ADGRG6: variants seen among roughly 807,000 people sequenced by gnomAD.
ADGRG6 encodes G-protein coupled receptor 126.
Under a neutral mutation model 142.4 loss-of-function variants are expected in ADGRG6, and 84 were observed. That is an observed-to-expected ratio of 0.59 (90% CI 0.49 to 0.71). The LOEUF (loss-of-function observed/expected upper bound fraction) is 0.71, where lower values mean the gene tolerates loss of function less well. ADGRG6 is among the 30% of genes least tolerant of loss of function. The pLI is 0.00. For synonymous variants in ADGRG6, 521 were observed against 520.5 expected (o/e 1.00, Z -0.01); for missense variants, 1,367 against 1,466.6 (o/e 0.93, Z 1.11).
At chr6:142,305,902 C>T (rs72554853) in intron 1 of ADGRG6, among the ~76,000 whole-genome samples, 12 of 122,908 alleles carry the variant, frequency 9.8e-5, no homozygotes, top group African/African-American at 3.6e-4. Flanking sequence ...AATAGAATAG[C>T]ACTTTTTTTT....
chr6:142,401,916 T>A (rs1775546338), intron 11 of ADGRG6, 78 bp from the exon 12 acceptor site: 8 of 669,828 alleles, frequency 1.2e-5, no homozygotes, highest in Non-Finnish European at 1.6e-5. Context: ...AATGTATATA[T>A]CATGTAAAAA....
intron 2 of ADGRG6, among the ~76,000 whole-genome samples, chr6:142,361,960 G>C (rs1382543724): frequency 6.6e-6 from 1 of 152,178 alleles, no homozygotes; most frequent in Non-Finnish European, 1.5e-5. Context: ...ATAACAGGCT[G>C]ACTCTGGAAT....
intron 2 of ADGRG6, among the ~76,000 whole-genome samples, chr6:142,361,464 A>G (rs1052704877): frequency 1.3e-5 from 2 of 152,106 alleles, no homozygotes; most frequent in African/African-American, 4.8e-5. Context: ...GTGCTTGGAG[A>G]GGGCTGAGAG....
At chr6:142,351,032 G>A (rs909701673) in intron 2 of ADGRG6, among the ~76,000 whole-genome samples, 2 of 152,036 alleles carry the variant, frequency 1.3e-5, no homozygotes, top group Non-Finnish European at 2.9e-5. Flanking sequence ...TCAGGAGATT[G>A]AGACCATCCT....
chr6:142,443,368 A>G lies in ADGRG6; in HGVS notation c.3606A>G (p.Lys1202=), dbSNP rs754811944. ...CTTCCATGGACAAGTCCTTGTCAAA[A>G]CTGGCCCATGCTGATGGAGATCAAA... ...DSASMDKSLS[K]LAHADGDQTS... is the part of the protein sequence containing the mutation. The change falls in exon 25 of 25, where the codon AAA becomes AAG. Residue 1202 remains lysine, a synonymous_variant. Transcript: ENST00000367609. 1.2e-6 allele frequency: 2 copies of G among 1,612,474 alleles called. No individual in the cohort carries two copies. Among genetic ancestry groups the G allele is most frequent in the Admixed American group, 3.3e-5 (2 of 59,868 alleles).
intron 1 of ADGRG6, among the ~76,000 whole-genome samples, chr6:142,307,205 A>T (rs911879685): frequency 6.6e-6 from 1 of 152,160 alleles, no homozygotes; most frequent in East Asian, 1.9e-4. Context: ...TCACACATTG[A>T]TGAAAGATAA....
intron 2 of ADGRG6, among the ~76,000 whole-genome samples, chr6:142,347,055 A>G (rs1030191130): frequency 6.6e-6 from 1 of 152,224 alleles, no homozygotes; most frequent in African/African-American, 2.4e-5. Flanking sequence ...TCAAGTAAAA[A>G]AAAGATTCAT....
At chr6:142,442,893 T>C (rs937780728) in intron 24 of ADGRG6, among the ~76,000 whole-genome samples, 2 of 152,098 alleles carry the variant, frequency 1.3e-5, no homozygotes, top group Non-Finnish European at 2.9e-5. Context: ...TAACCATCAA[T>C]TTATAGCCAG....
intron 2 of ADGRG6, among the ~76,000 whole-genome samples, chr6:142,329,916 A>G (rs551299980): frequency 3.5e-4 from 54 of 152,278 alleles, no homozygotes; most frequent in Non-Finnish European, 5.6e-4. Context: ...TAAAGGTGAG[A>G]TACGTGAGCA....
chr6:142,432,261 A>G (rs1777250894), intron 22 of ADGRG6, among the ~76,000 whole-genome samples: 1 of 152,138 alleles, frequency 6.6e-6, no homozygotes, highest in South Asian at 2.1e-4. Flanking sequence ...GAACTGTGAA[A>G]GGGCTATTTT....
chr6:142,310,537 T>A (rs1366592490), intron 2 of ADGRG6, among the ~76,000 whole-genome samples: 1 of 151,704 alleles, frequency 6.6e-6, no homozygotes, highest in Non-Finnish European at 1.5e-5. Context: ...TAATATATAT[T>A]ATCATAAAGA....
rs531285206 is a variant in ADGRG6, at chr6:142,304,424, C to CACACAA, written c.2+2093_2+2094insACACAA. ...TTAATTCGTCTCAAGCTGCATGAAG[C>CACACAA]TACTGTTCCATTTATGGCTTATATA... On this transcript the variant is annotated intron_variant, in intron 1 of 24. Transcript: ENST00000367609. Among the ~76,000 whole-genome samples the CACACAA allele has an allele frequency of 6.5e-4, 99 of 152,266 alleles. 1 individual carries two copies. In the East Asian group the frequency reaches 0.013, roughly 20 times the overall value.
rs1047527031 is a variant in ADGRG6 at position 142,443,647 on chromosome 6, G to C, written c.*132G>C. ...ATAAGGAATGTATTTTGTTAAGAAG[G>C]CTTTTGTGAAATTCAGAATTTTTCT... is the stretch of plus-strand genomic sequence containing the variant. On this transcript the variant is annotated 3_prime_UTR_variant, in exon 25 of 25. Coordinates refer to ENST00000367609, the MANE Select transcript of ADGRG6 (RefSeq NM_198569.3). 1.8e-6 allele frequency: 1 copy of C among 558,204 alleles called. No homozygotes were observed. The highest frequency in any genetic ancestry group is 3.7e-5 in the Admixed American group (1 of 27,102). The allele number at this position is 558,204 out of a possible 1,614,324, so 34.6% of individuals were successfully genotyped here.
At chr6:142,376,650 A>C (rs1043847114) in intron 4 of ADGRG6, among the ~76,000 whole-genome samples, 9 of 152,264 alleles carry the variant, frequency 5.9e-5, no homozygotes, top group Non-Finnish European at 1.0e-4. Context: ...ATATTTTTAG[A>C]TTACTAAATC....
intron 2 of ADGRG6, among the ~76,000 whole-genome samples, chr6:142,327,373 C>G (rs183306376): frequency 3.7e-4 from 57 of 152,120 alleles, no homozygotes; most frequent in African/African-American, 1.3e-3. Context: ...ACATGGAGTT[C>G]ACCGTCTATA....
chr6:142,310,503 C>G (rs62429017), intron 2 of ADGRG6, among the ~76,000 whole-genome samples: 26 of 151,496 alleles, frequency 1.7e-4, no homozygotes, highest in African/African-American at 5.3e-4. Context: ...GGAATTTAAT[C>G]AAGATTTATT....
chr6:142,438,163 A>G, intron 23 of ADGRG6, 49 bp from the exon 24 acceptor site: 3 of 1,293,668 alleles, frequency 2.3e-6, no homozygotes, highest in Non-Finnish European at 3.2e-6. Flanking sequence ...AGAGCAGTTC[A>G]TATTCCCGGT....
chr6:142,330,133 C>T (rs369311124), intron 2 of ADGRG6, among the ~76,000 whole-genome samples: 3 of 151,256 alleles, frequency 2.0e-5, no homozygotes, highest in Admixed American at 6.6e-5. Flanking sequence ...GTTTTCTGTT[C>T]GTGTGTTAGT....
chr6:142,322,280 G>A (rs1159491168), intron 2 of ADGRG6, among the ~76,000 whole-genome samples: 1 of 152,008 alleles, frequency 6.6e-6, no homozygotes, highest in African/African-American at 2.4e-5. Context: ...CATGCCTGTG[G>A]TCCCAGTTTC....
Sources: allele counts gnomAD v4.1 joint callset (sites outside exome capture counted in the v4.1 genomes callset), GRCh38; gene constraint gnomAD v4.1.1; transcripts MANE v1.5; gene names NCBI Gene and HGNC (gene_info 2026-07-23, HGNC 2026-07-21).